Variants in DMD observed in about 807,000 individuals in gnomAD.
DMD encodes mutant dystrophin.
In DMD, 63 loss-of-function variants were observed where a neutral mutation model predicts 330.1. That is an observed-to-expected ratio of 0.19 (90% CI 0.16 to 0.24). The LOEUF (loss-of-function observed/expected upper bound fraction) is 0.24, where lower values mean the gene tolerates loss of function less well. Ranked by LOEUF, DMD falls within the 10% of genes least tolerant of loss-of-function variation. The pLI is 1.00. For missense variants in DMD, 3,344 were observed against 2,684.1 expected (o/e 1.25, Z -5.43); for synonymous variants, 1,223 against 959.8 (o/e 1.27, Z -5.07).
rs143671209 is a variant in DMD, at chrX:32,177,123, T to C, written c.6438+39793A>G. Among the ~76,000 whole-genome samples the C allele has an allele frequency of 5.4e-3, 603 of 112,024 alleles. 22 individuals carry two copies. The East Asian group carries it at 0.14, about 27-fold the overall frequency. On this transcript the variant is annotated intron_variant, in intron 44 of 78. Coordinates refer to ENST00000357033, the MANE Select transcript of DMD (RefSeq NM_004006.3). ...TCTCCTGTATTTTTCTCAGGTTTGT[T>C]GTCACATTCTCACTAGAACTATTTT...
chrX:32,121,602 G>T (rs1281298517), intron 44 of DMD, among the ~76,000 whole-genome samples: 1 of 73,551 alleles, frequency 1.4e-5, no homozygotes, highest in Non-Finnish European at 2.5e-5. Context: ...TTCAAATAAG[G>T]TTTTCAAAAT....
chrX:32,843,097 G>A (rs1366713145), intron 4 of DMD, among the ~76,000 whole-genome samples: 5 of 112,052 alleles, frequency 4.5e-5, no homozygotes, highest in Non-Finnish European at 7.5e-5. Context: ...CATGAGCACC[G>A]CGCCCGACCT....
intron 1 of DMD, among the ~76,000 whole-genome samples, chrX:33,228,331 T>G (rs1273492108): frequency 9.4e-6 from 1 of 106,289 alleles, no homozygotes; most frequent in Admixed American, 1.0e-4. Context: ...GCTTTTTCCA[T>G]CACAAATTAT....
chrX:31,614,603 T>C (rs1450735504), intron 55 of DMD, among the ~76,000 whole-genome samples: 2 of 111,889 alleles, frequency 1.8e-5, no homozygotes, highest in South Asian at 3.8e-4. Flanking sequence ...TAGACTAATA[T>C]GATCTCCAGT....
chrX:32,050,674 T>C (rs961458061), intron 44 of DMD, among the ~76,000 whole-genome samples: 1 of 111,440 alleles, frequency 9.0e-6, no homozygotes, highest in Non-Finnish European at 1.9e-5. Flanking sequence ...TCTATTACAA[T>C]CAGTAATATC....
In DMD at chrX:32,252,771, T is replaced by A. The variant is rs868135110; in HGVS notation, c.6290+34758A>T. ...ATATATATAAATATATAAATATATA[T>A]AAATATATATAAATATATATAAATA... is the stretch of plus-strand genomic sequence containing the variant. On this transcript the variant is annotated intron_variant, in intron 43 of 78. Coordinates refer to ENST00000357033, the MANE Select transcript of DMD (RefSeq NM_004006.3). 5.8e-4 allele frequency among the ~76,000 whole-genome samples: 31 copies of A among 53,200 alleles called. 2 individuals carry two copies. The highest frequency in any genetic ancestry group is 2.5e-3 in the African/African-American group (24 of 9,524). 46.2% of individuals were successfully genotyped at this position (53,200 alleles called of 115,157 possible).
At chrX:31,626,173 T>C (rs185997763) in intron 55 of DMD, among the ~76,000 whole-genome samples, 9 of 98,977 alleles carry the variant, frequency 9.1e-5, no homozygotes, top group African/African-American at 3.4e-4. Flanking sequence ...TTAGTAGAGA[T>C]GGGGTTTCGC....
chrX:33,000,578 T>A lies in DMD; in HGVS notation c.93+19561A>T, dbSNP rs987052943. On this transcript the variant is annotated intron_variant, in intron 2 of 78. Coordinates refer to ENST00000357033, the MANE Select transcript of DMD (RefSeq NM_004006.3). Reference sequence around the variant, plus strand: ...CCCTCTATAGCTATGCTGTGTAATGTGGTAGCCACTAGCCACATGTGGCTT... The same window carrying A: ...CCCTCTATAGCTATGCTGTGTAATGAGGTAGCCACTAGCCACATGTGGCTT... Among the ~76,000 whole-genome samples, 4 of 112,080 alleles carry A rather than the reference T, an allele frequency of 3.6e-5. No homozygotes were observed. The East Asian group carries it at 1.1e-3, about 32-fold the overall frequency.
At chrX:31,338,889 G>A (rs1181024000) in intron 61 of DMD, among the ~76,000 whole-genome samples, 1 of 97,474 alleles carries the variant, frequency 1.0e-5, no homozygotes, top group Non-Finnish European at 2.0e-5. Flanking sequence ...ACAGGGACTT[G>A]AGTGATCCAA....
chrX:31,161,943 A>C (rs747283034), intron 74 of DMD, among the ~76,000 whole-genome samples: 1 of 110,707 alleles, frequency 9.0e-6, no homozygotes, highest in Non-Finnish European at 1.9e-5. Context: ...CTGGTCCACC[A>C]GTCTGGAAAA....
intron 44 of DMD, among the ~76,000 whole-genome samples, chrX:32,058,834 G>A (rs1208755547): frequency 3.6e-5 from 4 of 111,557 alleles, no homozygotes; most frequent in African/African-American, 9.8e-5. Flanking sequence ...TAGCCAAGAG[G>A]TGTGAACAAA....
rs374735753 is a variant in DMD at position 31,569,678 on chromosome X, A to G, written c.8217+57995T>C. Among the ~76,000 whole-genome samples the G allele has an allele frequency of 3.8e-4, 37 of 97,210 alleles. No homozygotes were observed. The East Asian group carries it at 7.5e-3, about 20-fold the overall frequency. The allele number at this position is 97,210 out of a possible 115,157, so 84.4% of individuals were successfully genotyped here. On this transcript the variant is annotated intron_variant, in intron 55 of 78. Transcript: ENST00000357033. ...TATATACGTATATATACGTATATAT[A>G]TATGCCAATTCTTCAGACTCTCCTT...
intron 1 of DMD, among the ~76,000 whole-genome samples, chrX:33,032,138 C>T (rs1338940913): frequency 8.9e-6 from 1 of 111,816 alleles, no homozygotes; most frequent in Non-Finnish European, 1.9e-5. Flanking sequence ...ATGTGACTTG[C>T]CTTGACCAGT....
chrX:31,532,180 T>G lies in DMD; in HGVS notation c.8218-24727A>C, dbSNP rs1421788009. 2.0e-5 allele frequency among the ~76,000 whole-genome samples: 2 copies of G among 99,458 alleles called. 1 individual carries two copies. The highest frequency in any genetic ancestry group is 7.9e-5 in the African/African-American group (2 of 25,255). 86.4% of individuals were successfully genotyped at this position (99,458 alleles called of 115,157 possible). On this transcript the variant is annotated intron_variant, in intron 55 of 78. Coordinates refer to ENST00000357033, the MANE Select transcript of DMD (RefSeq NM_004006.3). ...AGAAGAGCAACTCCAAGACACATAA[T>G]TGTCAGATTCACCAAGTTGAAATGA...
At chrX:31,739,912 C>T (rs2087187702) in intron 51 of DMD, among the ~76,000 whole-genome samples, 1 of 105,217 alleles carries the variant, frequency 9.5e-6, no homozygotes, top group Admixed American at 1.0e-4. Context: ...TAATATTAAT[C>T]TACTATTAGT....
At chrX:31,588,409 C>T (rs1019744649) in intron 55 of DMD, among the ~76,000 whole-genome samples, 7 of 111,465 alleles carry the variant, frequency 6.3e-5, no homozygotes, top group Admixed American at 5.7e-4. Flanking sequence ...TTTTTCCCCT[C>T]ACCCTAGGGC....
chrX:32,934,558 C>A (rs184584927), intron 2 of DMD, among the ~76,000 whole-genome samples: 1 of 110,936 alleles, frequency 9.0e-6, no homozygotes, highest in African/African-American at 3.3e-5. Context: ...ACACTGGGCC[C>A]CAAGATCTAT....
At chrX:32,480,897 G>C (rs1295911014) in intron 21 of DMD, among the ~76,000 whole-genome samples, 1 of 110,556 alleles carries the variant, frequency 9.0e-6, no homozygotes, top group African/African-American at 3.3e-5. Flanking sequence ...CTGGAGTGAA[G>C]GAGCAATGCA....
upstream of DMD, chrX:33,211,601 C>A (rs2051921238): frequency 1.0e-6 from 1 of 970,027 alleles, no homozygotes; most frequent in African/African-American, 2.0e-5. Flanking sequence ...GACCTGCGCA[C>A]AAGCAAGTGA....
Sources: allele counts gnomAD v4.1 joint callset (sites outside exome capture counted in the v4.1 genomes callset), GRCh38; gene constraint gnomAD v4.1.1; transcripts MANE v1.5; gene names NCBI Gene and HGNC (gene_info 2026-07-23, HGNC 2026-07-21).